DTNB: variants seen among roughly 807,000 people sequenced by gnomAD.
DTNB encodes DTN-B.
A neutral mutation model predicts 90.7 loss-of-function variants in DTNB; 63 were observed. The ratio of observed to expected loss-of-function variants is 0.69; its 90% CI spans 0.57 to 0.86. The LOEUF (loss-of-function observed/expected upper bound fraction) is 0.86, where lower values mean the gene tolerates loss of function less well. DTNB is among the 40% of genes least tolerant of loss of function. DTNB has a pLI of 0.00. For missense variants in DTNB, 744 were observed against 807.1 expected, an observed-to-expected ratio of 0.92 and a Z score of 0.95; for synonymous variants, 277 against 286.7, an observed-to-expected ratio of 0.97 and a Z score of 0.34.
chr2:25,427,754 A>G, intron 14 of DTNB, 123 bp from the exon 15 acceptor site: 1 of 812,692 alleles, frequency 1.2e-6, no homozygotes, highest in Non-Finnish European at 1.9e-6. Flanking sequence ...CAAGTCATTT[A>G]GCATCCAATA....
intron 16 of DTNB, among the ~76,000 whole-genome samples, chr2:25,412,780 A>G (rs1224116541): frequency 6.6e-6 from 1 of 152,200 alleles, no homozygotes; most frequent in Non-Finnish European, 1.5e-5. Context: ...AGTCACTGGG[A>G]AAAATGGAAC....
intron 3 of DTNB, 48 bp from the exon 4 acceptor site, chr2:25,628,432 T>G: frequency 1.3e-6 from 2 of 1,533,174 alleles, no homozygotes; most frequent in Non-Finnish European, 1.8e-6. Flanking sequence ...AGTGTGGTAC[T>G]ACCCTTCACA....
In DTNB at chr2:25,576,993, C is replaced by A; in HGVS notation, c.721G>T (p.Val241Leu). 1 of 1,605,480 alleles carries A rather than the reference C, an allele frequency of 6.2e-7. No individual in the cohort carries two copies. The highest frequency in any genetic ancestry group is 8.5e-7 in the Non-Finnish European group (1 of 1,175,908). Residue 241 changes from valine to leucine, a missense_variant, in exon 8 of 21, where the codon GTG (valine) becomes TTG (leucine). Physicochemically the swap from Val to Leu is conservative, Grantham distance 32. Transcript: ENST00000406818. ...TCACATCGGCAGTAGGAGCACTCCA[C>A]GGGATGGAAGACTTGTGGACAGGAG... ...LAHVENVFHP[V>L]ECSYCRCESM...
intron 10 of DTNB, among the ~76,000 whole-genome samples, chr2:25,463,170 T>A (rs1200383594): frequency 6.6e-6 from 1 of 152,172 alleles, no homozygotes; most frequent in Non-Finnish European, 1.5e-5. Context: ...AAAATAGAAC[T>A]CTTGATTCTT....
At chr2:25,642,077 C>G (rs1167098571) in intron 2 of DTNB, among the ~76,000 whole-genome samples, 1 of 152,202 alleles carries the variant, frequency 6.6e-6, no homozygotes, top group Non-Finnish European at 1.5e-5. Flanking sequence ...GCCTCAGCCT[C>G]CCAAAGTGCT....
At chr2:25,464,146 T>C (rs1371453194) in intron 10 of DTNB, among the ~76,000 whole-genome samples, 2 of 152,230 alleles carry the variant, frequency 1.3e-5, no homozygotes, top group Admixed American at 6.5e-5. Flanking sequence ...TGACCTCAGG[T>C]GATCTGCCCG....
At chr2:25,664,309 A>G (rs572133510) in intron 1 of DTNB, among the ~76,000 whole-genome samples, 1 of 152,312 alleles carries the variant, frequency 6.6e-6, no homozygotes, top group East Asian at 1.9e-4. Context: ...TATTACTTCA[A>G]TCTTCTGCTG....
intron 10 of DTNB, among the ~76,000 whole-genome samples, chr2:25,477,873 T>C (rs2064050094): frequency 6.6e-6 from 1 of 152,162 alleles, no homozygotes; most frequent in African/African-American, 2.4e-5. Flanking sequence ...AGGGTTGGCT[T>C]TCTTCTGGGC....
At chr2:25,628,538 C>T (rs2074958758) in intron 3 of DTNB, among the ~76,000 whole-genome samples, 154 bp from the exon 4 acceptor site, 1 of 152,136 alleles carries the variant, frequency 6.6e-6, no homozygotes. Flanking sequence ...AAATAAAGAA[C>T]ATCAGTCCCA....
chr2:25,663,946 G>A (rs930937288), intron 1 of DTNB, among the ~76,000 whole-genome samples: 2 of 152,104 alleles, frequency 1.3e-5, no homozygotes, highest in Non-Finnish European at 2.9e-5. Flanking sequence ...TTCTAAAAAT[G>A]TATTATTAAC....
chr2:25,654,694 T>TAATGGGGATACGTTTTGGGAAGC, intron 1 of DTNB, among the ~76,000 whole-genome samples: 1 of 152,332 alleles, frequency 6.6e-6, no homozygotes, highest in East Asian at 1.9e-4. Flanking sequence ...CAAATGGACA[T>TAATGGGGATACGTTTTGGGAAGC]AATGGGGATA....
chr2:25,545,597 C>T (rs2082243789), intron 8 of DTNB, among the ~76,000 whole-genome samples: 1 of 152,178 alleles, frequency 6.6e-6, no homozygotes, highest in Non-Finnish European at 1.5e-5. Flanking sequence ...CGTGTGGTTA[C>T]TGAACACTAG....
In DTNB at chr2:25,608,931, T is replaced by A. The variant is rs116263006; in HGVS notation, c.363-1610A>T. ...AGGAACTCCAGAAGAATCCACCTAG[T>A]GGGGATGGCAGCAGTAGGGGCAGCT... On this transcript the variant is annotated intron_variant, in intron 4 of 20. Coordinates refer to ENST00000406818, the MANE Select transcript of DTNB (RefSeq NM_021907.5). 6.3e-3 allele frequency among the ~76,000 whole-genome samples: 951 copies of A among 152,158 alleles called. 5 individuals carry two copies. Among genetic ancestry groups the A allele is most frequent in the African/African-American group, 0.022 (898 of 41,502 alleles).
chr2:25,602,062 C>A (rs552086368), intron 5 of DTNB, among the ~76,000 whole-genome samples: 1 of 151,794 alleles, frequency 6.6e-6, no homozygotes, highest in Non-Finnish European at 1.5e-5. Flanking sequence ...GTGGAAGCTG[C>A]GGTGAGCCGA....
intron 6 of DTNB, 36 bp downstream of exon 6, chr2:25,596,050 C>T (rs770804435): frequency 3.6e-5 from 55 of 1,518,530 alleles, no homozygotes; most frequent in South Asian, 1.1e-4. Context: ...GGGAAGAGCG[C>T]TCTTCTAGCC....
intron 8 of DTNB, among the ~76,000 whole-genome samples, chr2:25,561,764 T>A (rs535107161): frequency 6.6e-6 from 1 of 152,288 alleles, no homozygotes; most frequent in East Asian, 1.9e-4. Context: ...ATTGTAAACT[T>A]CCTGAGGCCC....
At chr2:25,558,722 G>A (rs889530208) in intron 8 of DTNB, among the ~76,000 whole-genome samples, 1 of 152,158 alleles carries the variant, frequency 6.6e-6, no homozygotes, top group Non-Finnish European at 1.5e-5. Flanking sequence ...AATAAATCGT[G>A]CATGCAAACA....
chr2:25,384,527 C>T (rs1412763594), intron 18 of DTNB, among the ~76,000 whole-genome samples: 4 of 152,152 alleles, frequency 2.6e-5, no homozygotes, highest in African/African-American at 7.2e-5. Flanking sequence ...AAAATGGCCA[C>T]ATCCTGGTAT....
chr2:25,452,736 T>C (rs893178465), intron 11 of DTNB, among the ~76,000 whole-genome samples: 5 of 151,866 alleles, frequency 3.3e-5, no homozygotes, highest in African/African-American at 9.7e-5. Context: ...ATATTTTTTC[T>C]AGTTTTTTTT....
Sources: allele counts gnomAD v4.1 joint callset (sites outside exome capture counted in the v4.1 genomes callset), GRCh38; gene constraint gnomAD v4.1.1; transcripts MANE v1.5; gene names NCBI Gene and HGNC (gene_info 2026-07-23, HGNC 2026-07-21).